Variants in RBFOX1 observed in about 807,000 individuals in gnomAD.
RBFOX1 encodes RNA binding protein fox-1 homolog 1.
In RBFOX1, 8 loss-of-function variants were observed where a neutral mutation model predicts 57.7. The observed-to-expected ratio is 0.14, with a 90% confidence interval of 0.08 to 0.25. The LOEUF (loss-of-function observed/expected upper bound fraction) is 0.25. Among genes scored for constraint, RBFOX1 ranks in the 10% least tolerant of loss-of-function variants. RBFOX1 has a pLI of 1.00. For missense variants in RBFOX1, 611 were observed against 548.5 expected, an observed-to-expected ratio of 1.11 and a Z score of -1.14; for synonymous variants, 326 against 222.4, an observed-to-expected ratio of 1.47 and a Z score of -4.15.
At chr16:6,539,776 C>T (rs950226893) in intron 2 of RBFOX1, among the ~76,000 whole-genome samples, 6 of 134,126 alleles carry the variant, frequency 4.5e-5, no homozygotes, top group East Asian at 4.9e-4. Flanking sequence ...CCAGCCTAGG[C>T]GGCAGACTGA....
At chr16:6,840,420 C>G (rs956203583) in intron 3 of RBFOX1, among the ~76,000 whole-genome samples, 7 of 152,130 alleles carry the variant, frequency 4.6e-5, no homozygotes, top group Admixed American at 6.5e-5. Context: ...AGTATGATCA[C>G]AGTCTTCTTT....
At chr16:5,730,248 T>C (rs2052315111) in intron 3 of RBFOX1, among the ~76,000 whole-genome samples, 1 of 152,192 alleles carries the variant, frequency 6.6e-6, no homozygotes, top group Non-Finnish European at 1.5e-5. Flanking sequence ...TATTCTCTTT[T>C]TTTCTTTCAA....
At chr16:6,249,772 C>CTTTTTTTTTTTTTTT (rs55802545) in intron 1 of RBFOX1, among the ~76,000 whole-genome samples, 1 of 140,666 alleles carries the variant, frequency 7.1e-6, no homozygotes, top group Non-Finnish European at 1.5e-5. Flanking sequence ...CATTTTTTTT[C>CTTTTTTTTTTTTTTT]TTTTTTTTTT....
intron 3 of RBFOX1, among the ~76,000 whole-genome samples, chr16:6,970,383 C>T (rs1263775077): frequency 1.3e-5 from 2 of 152,142 alleles, no homozygotes; most frequent in South Asian, 4.1e-4. Flanking sequence ...ACAGGTAGTG[C>T]AGTTCCCTTA....
At chr16:6,833,248 C>T (rs2092839278) in intron 3 of RBFOX1, among the ~76,000 whole-genome samples, 1 of 151,978 alleles carries the variant, frequency 6.6e-6, no homozygotes, top group South Asian at 2.1e-4. Context: ...TCATTACAAC[C>T]TCCGCCTCCC....
At chr16:6,653,823 G>C (rs59074770) in intron 2 of RBFOX1, among the ~76,000 whole-genome samples, 3,459 of 151,780 alleles carry the variant, frequency 0.023, 133 homozygotes, top group African/African-American at 0.079. Flanking sequence ...AATGGGAGAA[G>C]GATGCAGGAT....
chr16:6,891,572 C>G (rs544834434), intron 3 of RBFOX1, among the ~76,000 whole-genome samples: 56 of 152,302 alleles, frequency 3.7e-4, no homozygotes, highest in African/African-American at 1.3e-3. Context: ...TTTTCCAGTG[C>G]TCCAGGCATA....
intron 4 of RBFOX1, among the ~76,000 whole-genome samples, chr16:5,888,725 G>C (rs1230670467): frequency 6.6e-6 from 1 of 151,514 alleles, no homozygotes; most frequent in Admixed American, 6.6e-5. Flanking sequence ...GAATCCGGGA[G>C]GTGGAGGTTG....
chr16:6,386,124 A>T (rs1001750783), intron 2 of RBFOX1, among the ~76,000 whole-genome samples: 1 of 151,840 alleles, frequency 6.6e-6, no homozygotes, highest in Non-Finnish European at 1.5e-5. Flanking sequence ...TTTAGTAGAG[A>T]CGGGGTTTCA....
At chr16:7,464,733 G>C (rs2060193558) in intron 4 of RBFOX1, among the ~76,000 whole-genome samples, 1 of 108,352 alleles carries the variant, frequency 9.2e-6, no homozygotes, top group African/African-American at 3.7e-5. Context: ...GTCTTGCTCT[G>C]TCGCCCAGGC....
chr16:7,184,505 G>C (rs1052425233), intron 4 of RBFOX1, among the ~76,000 whole-genome samples: 5 of 152,316 alleles, frequency 3.3e-5, no homozygotes, highest in African/African-American at 1.2e-4. Flanking sequence ...GTTATTTGCA[G>C]CCCTGTCTCA....
At chr16:6,550,700 G>C (rs775405520) in intron 2 of RBFOX1, among the ~76,000 whole-genome samples, 1 of 152,134 alleles carries the variant, frequency 6.6e-6, no homozygotes, top group African/African-American at 2.4e-5. Flanking sequence ...TTCTTCTTCT[G>C]CATCCCCACT....
chr16:5,450,968 G>C (rs1487165143), intron 1 of RBFOX1, among the ~76,000 whole-genome samples: 2 of 152,172 alleles, frequency 1.3e-5, no homozygotes, highest in African/African-American at 4.8e-5. Flanking sequence ...AAATGGGGCT[G>C]ATCACGGGCC....
chr16:7,513,067 C>T (rs1229889050), intron 4 of RBFOX1, among the ~76,000 whole-genome samples: 1 of 31,834 alleles, frequency 3.1e-5, no homozygotes, highest in African/African-American at 8.0e-5. Context: ...AGTTCGGGAC[C>T]AGCCTGGCCA....
chr16:7,300,578 C>G (rs1568101278), intron 4 of RBFOX1, among the ~76,000 whole-genome samples: 1 of 151,590 alleles, frequency 6.6e-6, no homozygotes, highest in East Asian at 2.0e-4. Context: ...TAACTGGAGT[C>G]TTGCTTGCTC....
At chr16:6,398,556 G>T (rs2092934647) in intron 2 of RBFOX1, among the ~76,000 whole-genome samples, 1 of 151,804 alleles carries the variant, frequency 6.6e-6, no homozygotes, top group African/African-American at 2.4e-5. Context: ...CCAAAACAAA[G>T]GGACTACAGG....
chr16:6,977,150 CAT>C (rs1262078505), intron 3 of RBFOX1, among the ~76,000 whole-genome samples: 17 of 100,062 alleles, frequency 1.7e-4, no homozygotes, highest in East Asian at 8.0e-4. Flanking sequence ...TTATATATAT[CAT>C]ATATATCATA....
intron 3 of RBFOX1, among the ~76,000 whole-genome samples, chr16:6,738,342 T>C (rs2071030146): frequency 6.6e-6 from 1 of 151,952 alleles, no homozygotes; most frequent in South Asian, 2.1e-4. Context: ...ACTCCCTGTA[T>C]TGAGGAAGTG....
rs550793181 is a variant in RBFOX1 at position 7,165,571 on chromosome 16, G to C, written c.27+113473G>C. ...CAGCCTCCTGAGTAGCTGGGATTAC[G>C]GGCATGCACCACCACGCCCGGCTAA... On this transcript the variant is annotated intron_variant, in intron 4 of 15. Transcript: ENST00000550418. Among the ~76,000 whole-genome samples, 167 of 151,566 alleles carry C rather than the reference G, an allele frequency of 1.1e-3. 1 individual carries two copies. Among genetic ancestry groups the C allele is most frequent in the African/African-American group, 3.8e-3 (159 of 41,330 alleles).
Sources: gnomAD v4.1 joint callset for allele counts (sites outside exome capture counted in the v4.1 genomes callset) on GRCh38, gnomAD v4.1.1 for gene constraint, MANE v1.5 for transcripts, NCBI Gene and HGNC (gene_info 2026-07-23, HGNC 2026-07-21) for gene names.